Variants in MACF1 observed in about 807,000 individuals in gnomAD.
The protein encoded by MACF1 is microtubule actin crosslinking factor 1.
A neutral mutation model predicts 854.8 loss-of-function variants in MACF1; 193 were observed. The observed-to-expected ratio is 0.23, with a 90% CI of 0.20 to 0.25. The LOEUF is 0.25. Ranked by LOEUF, MACF1 falls within the 10% of genes least tolerant of loss-of-function variation. The pLI is 1.00. For missense variants in MACF1, 7,722 were observed against 8,929.1 expected (o/e 0.86, Z 5.45); for synonymous variants, 3,185 against 3,226.7 (o/e 0.99, Z 0.44).
intron 40 of MACF1, among the ~76,000 whole-genome samples, chr1:39,342,898 G>A (rs1261652481): frequency 6.6e-6 from 1 of 152,102 alleles, no homozygotes; most frequent in African/African-American, 2.4e-5. Flanking sequence ...TATTTCTGTT[G>A]CAATCACTCA....
intron 6 of MACF1, chr1:39,260,684 C>T (rs971553158): frequency 2.6e-5 from 4 of 152,056 alleles, no homozygotes; most frequent in African/African-American, 9.7e-5. Context: ...TAGGCTTTTT[C>T]TGTGGGCAGA....
intron 58 of MACF1, among the ~76,000 whole-genome samples, 157 bp downstream of exon 58, chr1:39,388,815 C>G (rs145547028): frequency 6.6e-6 from 1 of 151,058 alleles, no homozygotes; most frequent in South Asian, 2.1e-4. Flanking sequence ...AATAGTCTCT[C>G]GGACTTCTGA....
At chr1:39,429,185 A>T in intron 63 of MACF1, 57 bp from the exon 64 acceptor site, 1 of 882,606 alleles carries the variant, frequency 1.1e-6, no homozygotes, top group Non-Finnish European at 1.9e-6. Context: ...AAGGTCTCGC[A>T]TTTTGTTTCA....
chr1:39,118,560 AAGAT>A (rs1460709587), intron 2 of MACF1, among the ~76,000 whole-genome samples: 5 of 152,258 alleles, frequency 3.3e-5, no homozygotes, highest in Non-Finnish European at 7.3e-5. Context: ...GTGGGAGAGA[AAGAT>A]AGATGGAGCA....
At chr1:39,352,925 C>G in intron 43 of MACF1, 82 bp from the exon 44 acceptor site, 1 of 861,832 alleles carries the variant, frequency 1.2e-6, no homozygotes, top group South Asian at 1.6e-5. Context: ...ATTATCTCCT[C>G]CCCTTTACCC....
upstream of MACF1, among the ~76,000 whole-genome samples, chr1:39,202,108 A>G (rs1644397850): frequency 6.7e-6 from 1 of 150,152 alleles, no homozygotes; most frequent in Admixed American, 6.6e-5. Flanking sequence ...CTGGGATTAC[A>G]GGCGACCATC....
chr1:39,289,693 C>CTTTTTTTTTTTTTTTTTTTTTTTTT lies in MACF1; in HGVS notation c.1785+2139_1785+2163dup, dbSNP rs58188740. On this transcript the variant is annotated intron_variant, in intron 15 of 100. Coordinates refer to ENST00000564288, the MANE Select transcript of MACF1 (RefSeq NM_001394062.1). Reference sequence around the variant, plus strand: ...ATTTTCTCCCATTCTGTGGGTTGTCCTTTTTTTTTTTTTTTTTTTTTTTTT... The same window carrying CTTTTTTTTTTTTTTTTTTTTTTTTT: ...ATTTTCTCCCATTCTGTGGGTTGTCCTTTTTTTTTTTTTTTTTTTTTTTTTTTTTTTTTTTTTTTTTTTTTTTTTT... Among the ~76,000 whole-genome samples, 8 of 28,966 alleles carry CTTTTTTTTTTTTTTTTTTTTTTTTT rather than the reference C, an allele frequency of 2.8e-4. 4 individuals carry two copies. The highest frequency in any genetic ancestry group is 2.8e-3 in the East Asian group (2 of 724). The allele number at this position is 28,966 out of a possible 152,430, so 19.0% of individuals were successfully genotyped here.
intron 58 of MACF1, 71 bp from the exon 59 acceptor site, chr1:39,422,303 A>AC (rs747811910): frequency 5.8e-6 from 7 of 1,214,912 alleles, no homozygotes; most frequent in Non-Finnish European, 8.1e-6. Context: ...CCCAAGAATA[A>AC]CCAGTCTCTG....
chr1:39,403,060 TG>T lies in MACF1; in HGVS notation c.15816+14404del, dbSNP rs1336438433. Among the ~76,000 whole-genome samples the T allele has an allele frequency of 5.3e-4, 79 of 150,108 alleles. 1 individual carries two copies. The highest frequency in any genetic ancestry group is 1.9e-3 in the African/African-American group (77 of 40,488). On this transcript the variant is annotated intron_variant, in intron 58 of 100. Transcript: ENST00000564288. The stretch of plus-strand genomic sequence containing the variant: ...TCTCTTTTGTTTTTTTTGTTTGGTT[TG>T]GTTTTTTTTTTGTTTGGTTGTTTTG...
rs1646768836 is a variant in MACF1, at chr1:39,333,858, T to G, written c.7270T>G (p.Leu2424Val). The G allele has an allele frequency of 3.1e-6, 5 of 1,614,060 alleles. No individual in the cohort carries two copies. The African/African-American group carries it at 5.3e-5, about 17-fold the overall frequency. The change falls in exon 37 of 101, where the codon TTG becomes GTG. Residue 2424 changes from leucine to valine, a missense_variant. By Grantham distance (32) the Leu-to-Val change is conservative. Transcript: ENST00000564288. ...ACGAGGCAAAAAAGTTTCAGTAACTTTGGCCTCAACTCTTGGCTTGGTGGA... is the reference window on the plus strand; with the variant it reads ...ACGAGGCAAAAAAGTTTCAGTAACTGTGGCCTCAACTCTTGGCTTGGTGGA... ...LKRGKKVSVT[L>V]ASTLGLVDVA...
At chr1:39,111,484 G>T (rs576726803) in intron 2 of MACF1, among the ~76,000 whole-genome samples, 2 of 151,836 alleles carry the variant, frequency 1.3e-5, no homozygotes, top group Non-Finnish European at 2.9e-5. Context: ...CCAGGTTCAT[G>T]CCATTCTCCT....
intron 33 of MACF1, among the ~76,000 whole-genome samples, 174 bp downstream of exon 33, chr1:39,323,182 A>G (rs1646544514): frequency 6.6e-6 from 1 of 152,118 alleles, no homozygotes; most frequent in Non-Finnish European, 1.5e-5. Context: ...TCTACAAAAA[A>G]TATTTAAAAA....
chr1:39,121,027 G>A (rs1465388764), intron 2 of MACF1: 1 of 152,322 alleles, frequency 6.6e-6, no homozygotes, highest in South Asian at 2.1e-4. Context: ...TAGTATATGT[G>A]TTGCTTAAGT....
intron 2 of MACF1, among the ~76,000 whole-genome samples, chr1:39,150,661 A>G (rs1275906024): frequency 2.0e-5 from 3 of 152,106 alleles, no homozygotes; most frequent in Non-Finnish European, 4.4e-5. Flanking sequence ...GCTACACTGA[A>G]ATTGCAGTTG....
At chr1:39,227,852 T>G (rs547264964) in intron 1 of MACF1, among the ~76,000 whole-genome samples, 1 of 152,364 alleles carries the variant, frequency 6.6e-6, no homozygotes, top group South Asian at 2.1e-4. Flanking sequence ...CCCTTCTCTT[T>G]CTGGCTTATA....
In MACF1 at chr1:39,340,912, A is replaced by G. The variant is rs911428098; in HGVS notation, c.10540A>G (p.Ile3514Val). Residue 3514 changes from isoleucine to valine, a missense_variant, in exon 40 of 101, where the codon ATA becomes GTA. Physicochemically the swap from Ile to Val is conservative, Grantham distance 29 (BLOSUM62 3). Around this residue, in one of 15 missense-constraint regions of MACF1, gnomAD observed 854 missense variants for 852.6 expected, o/e 1.00. Transcript: ENST00000564288. ...ILNSKGSNSE[I>V]DVDSLNLCLQ... ...GAACAGCAAGGGATCTAACAGTGAA[A>G]TAGATGTTGACAGCCTGAACCTCTG... The G allele has an allele frequency of 6.8e-6, 11 of 1,613,486 alleles. No individual in the cohort carries two copies. The highest frequency in any genetic ancestry group is 3.3e-5 in the South Asian group (3 of 90,860).
At chr1:39,132,134 T>G (rs1376296566) in intron 2 of MACF1, among the ~76,000 whole-genome samples, 1 of 152,140 alleles carries the variant, frequency 6.6e-6, no homozygotes, top group Non-Finnish European at 1.5e-5. Flanking sequence ...AGAATTAGAT[T>G]GGGGGTAGAG....
chr1:39,411,664 T>C (rs1643012487), intron 58 of MACF1: 3 of 1,613,926 alleles, frequency 1.9e-6, no homozygotes, highest in Non-Finnish European at 2.5e-6. Flanking sequence ...AGTGCAGATG[T>C]TTCTTGAACT....
intron 58 of MACF1, chr1:39,412,676 C>A: frequency 6.2e-7 from 1 of 1,614,014 alleles, no homozygotes; most frequent in Non-Finnish European, 8.5e-7. Flanking sequence ...GATTCAGATT[C>A]ATTCCTAAAT....
Sources: allele counts gnomAD v4.1 joint callset (sites outside exome capture counted in the v4.1 genomes callset), GRCh38; gene constraint gnomAD v4.1.1; regional missense constraint gnomAD v4.1.1; transcripts MANE v1.5; gene names NCBI Gene and HGNC (gene_info 2026-07-23, HGNC 2026-07-21).